Variants in HDDC2 observed in about 807,000 individuals in gnomAD.
The protein encoded by HDDC2 is HD domain containing 2, also known as 5'-deoxynucleotidase HDDC2.
In HDDC2, 25 loss-of-function variants were observed where a neutral mutation model predicts 25.5. The ratio of observed to expected loss-of-function variants is 0.98; its 90% confidence interval spans 0.72 to 1.37. The LOEUF (loss-of-function observed/expected upper bound fraction) is 1.37, where lower values mean the gene tolerates loss of function less well. Among genes scored for constraint, HDDC2 ranks in the 40% most tolerant of loss-of-function variants. HDDC2 has a pLI of 0.00. For missense variants in HDDC2, 264 were observed against 253.1 expected (o/e 1.04, Z -0.29); for synonymous variants, 106 against 89.7 (o/e 1.18, Z -1.03).
chr6:125,292,067 ACAGG>A (rs1798639552), intron 4 of HDDC2, among the ~76,000 whole-genome samples: 1 of 152,144 alleles, frequency 6.6e-6, no homozygotes, highest in Non-Finnish European at 1.5e-5. Context: ...AAGCTTTAAG[ACAGG>A]AGGATGAATA....
intron 5 of HDDC2, 28 bp from the exon 6 acceptor site, chr6:125,276,271 A>G (rs1798368173): frequency 1.3e-6 from 2 of 1,495,862 alleles, no homozygotes; most frequent in Admixed American, 1.7e-5. Flanking sequence ...AGGGAAAAAT[A>G]CATTCCCATA....
rs746365973 is a variant in HDDC2, at chr6:125,298,816, T to A, written c.207A>T (p.Arg69=). The part of the protein sequence containing the change: ...VIKDDRLNKD[R]CVRLALVHDM... Reference sequence around the variant, plus strand: ...CATGAACCAGGGCTAGGCGTACACATCTGATCAGGCAAGAAATGTCGAATA... The same window carrying A: ...CATGAACCAGGGCTAGGCGTACACAACTGATCAGGCAAGAAATGTCGAATA... The change falls in exon 3 of 6, where the codon CGA becomes CGT. Residue 69 remains arginine (R), a splice_region_variant and synonymous_variant. Coordinates refer to ENST00000398153, the MANE Select transcript of HDDC2 (RefSeq NM_016063.3). The A allele has an allele frequency of 1.1e-5, 17 of 1,608,266 alleles. No homozygotes were observed. Among genetic ancestry groups the A allele is most frequent in the Middle Eastern group, 1.6e-4 (1 of 6,082 alleles).
At chr6:125,277,651 T>C (rs1798390954) in intron 4 of HDDC2, 1 of 157,402 alleles carries the variant, frequency 6.4e-6, no homozygotes, top group Admixed American at 6.5e-5. Flanking sequence ...CTCCATTTCA[T>C]GTCAGGTTTC....
Position 125,301,837 on chromosome 6 carries a change from G to A in HDDC2, c.84+12C>T. The A allele has an allele frequency of 6.5e-7, 1 of 1,538,026 alleles. No homozygotes were observed. Among genetic ancestry groups the A allele is most frequent in the South Asian group, 1.2e-5 (1 of 83,794 alleles). ...CGCTCGGCCGCGGCCTCCCGGCCTGGTGCCCGCTCACCTTGAGCTGCCCTA... is the reference window on the plus strand; with the variant it reads ...CGCTCGGCCGCGGCCTCCCGGCCTGATGCCCGCTCACCTTGAGCTGCCCTA... On this transcript the variant is annotated intron_variant, in intron 1 of 5. Coordinates refer to ENST00000398153, the MANE Select transcript of HDDC2 (RefSeq NM_016063.3).
chr6:125,299,761 G>A (rs951350343), intron 2 of HDDC2, among the ~76,000 whole-genome samples: 1 of 152,176 alleles, frequency 6.6e-6, no homozygotes, highest in African/African-American at 2.4e-5. Context: ...CTTCCCAAAT[G>A]AACTCTTTGC....
chr6:125,282,729 T>TAA (rs145853002), intron 4 of HDDC2, among the ~76,000 whole-genome samples: 32,828 of 152,034 alleles, frequency 0.22, 4,292 homozygotes, highest in African/African-American at 0.37. Flanking sequence ...GCAAATTGGA[T>TAA]AGAGTCAAGA....
intron 3 of HDDC2, 121 bp from the exon 4 acceptor site, chr6:125,293,030 T>C (rs755612494): frequency 8.8e-6 from 7 of 799,778 alleles, no homozygotes; most frequent in Middle Eastern, 2.2e-4. Context: ...GCAGAGTAAA[T>C]TGGCCTATAC....
chr6:125,289,515 C>CA lies in HDDC2; in HGVS notation c.378+3325dup, dbSNP rs59679528. ...AAAAATTAAAAAAAACAAAACAAAACAAAAAAAACAAAAAAAAAACATTTC... is the reference window on the plus strand; with the variant it reads ...AAAAATTAAAAAAAACAAAACAAAACAAAAAAAAACAAAAAAAAAACATTTC... On this transcript the variant is annotated intron_variant, in intron 4 of 5. Coordinates refer to ENST00000398153, the MANE Select transcript of HDDC2 (RefSeq NM_016063.3). Among the ~76,000 whole-genome samples the CA allele has an allele frequency of 1.2e-4, 17 of 142,630 alleles. 1 individual carries two copies. The highest frequency in any genetic ancestry group is 6.1e-4 in the East Asian group (3 of 4,934). 93.6% of individuals were successfully genotyped at this position (142,630 alleles called of 152,430 possible). A position where few individuals can be genotyped will look rare whatever the true frequency, so the allele number is the denominator to read the frequency against.
intron 4 of HDDC2, among the ~76,000 whole-genome samples, chr6:125,283,869 C>A (rs9491364): frequency 5.3e-5 from 8 of 151,900 alleles, no homozygotes; most frequent in Non-Finnish European, 1.2e-4. Flanking sequence ...ACAATCCTAA[C>A]CAAAAAGAAC....
intron 4 of HDDC2, among the ~76,000 whole-genome samples, chr6:125,282,438 T>C (rs1031818597): frequency 1.3e-5 from 2 of 151,460 alleles, no homozygotes; most frequent in African/African-American, 4.9e-5. Context: ...GAAGGAGAAA[T>C]AAAATCTTTT....
intron 4 of HDDC2, among the ~76,000 whole-genome samples, chr6:125,290,940 A>G (rs1275375940): frequency 6.6e-6 from 1 of 152,182 alleles, no homozygotes; most frequent in Non-Finnish European, 1.5e-5. Flanking sequence ...ATTTTGCAGT[A>G]AAGTTTTTCA....
chr6:125,289,668 T>C (rs1208089048), intron 4 of HDDC2, among the ~76,000 whole-genome samples: 4 of 152,178 alleles, frequency 2.6e-5, no homozygotes, highest in Non-Finnish European at 5.9e-5. Context: ...TATGCTGCTC[T>C]ACATCAAGCC....
At chr6:125,290,700 G>A (rs1413259806) in intron 4 of HDDC2, among the ~76,000 whole-genome samples, 1 of 152,154 alleles carries the variant, frequency 6.6e-6, no homozygotes, top group Non-Finnish European at 1.5e-5. Context: ...ACCAAGGACT[G>A]CAATAACCAA....
At chr6:125,297,916 A>T (rs1206353256) in intron 3 of HDDC2, among the ~76,000 whole-genome samples, 1 of 152,216 alleles carries the variant, frequency 6.6e-6, no homozygotes, top group Non-Finnish European at 1.5e-5. Flanking sequence ...TCTAATACAA[A>T]TACTTGACTT....
chr6:125,276,262 G>C lies in HDDC2; in HGVS notation c.518-19C>G, dbSNP rs771874251. ...AATTTTCCTGCAAAGCAAAAGAACA[G>C]GGAAAAATACATTCCCATATTGACA... On this transcript the variant is annotated intron_variant, in intron 5 of 5. Transcript: ENST00000398153. 5 of 1,567,362 alleles carry C rather than the reference G, an allele frequency of 3.2e-6. No individual in the cohort carries two copies. In the East Asian group the frequency reaches 1.1e-4, roughly 35 times the overall value.
chr6:125,292,674 T>C (rs1343677902), intron 4 of HDDC2, among the ~76,000 whole-genome samples, 167 bp downstream of exon 4: 1 of 151,950 alleles, frequency 6.6e-6, no homozygotes, highest in Admixed American at 6.6e-5. Context: ...AAAATTTCTA[T>C]CCATCAGGAG....
rs938958869 is a variant in HDDC2, at chr6:125,275,730, T to A, written c.*416A>T. ...AGAATACATCACTAGTACATTTTCT[T>A]TTCTGGATTCTTATCACTAAATCAG... On this transcript the variant is annotated 3_prime_UTR_variant, in exon 6 of 6. Transcript: ENST00000398153. The A allele has an allele frequency of 5.3e-5, 9 of 168,516 alleles. No homozygotes were observed. The highest frequency in any genetic ancestry group is 1.1e-4 in the Non-Finnish European group (9 of 78,710). 10.4% of individuals were successfully genotyped at this position (168,516 alleles called of 1,614,324 possible).
chr6:125,301,591 T>A (rs112982980), intron 1 of HDDC2, among the ~76,000 whole-genome samples: 2 of 152,026 alleles, frequency 1.3e-5, no homozygotes, highest in African/African-American at 4.8e-5. Flanking sequence ...GCGGCTGCAG[T>A]GCGGACCTCG....
chr6:125,281,902 A>T (rs1037637654), intron 4 of HDDC2, among the ~76,000 whole-genome samples: 4 of 152,194 alleles, frequency 2.6e-5, no homozygotes, highest in African/African-American at 9.6e-5. Context: ...TAATCAGCAG[A>T]TTCACCAAGG....
Sources: allele counts gnomAD v4.1 joint callset (sites outside exome capture counted in the v4.1 genomes callset), GRCh38; gene constraint gnomAD v4.1.1; transcripts MANE v1.5; gene names NCBI Gene and HGNC (gene_info 2026-07-23, HGNC 2026-07-21).